TTC7A: variants seen among roughly 807,000 people sequenced by gnomAD.
TTC7A encodes the protein tetratricopeptide repeat domain 7A.
In TTC7A, 110 loss-of-function variants were observed where a neutral mutation model predicts 103.7. The observed-to-expected ratio is 1.06, with a 90% CI of 0.91 to 1.24. The LOEUF (loss-of-function observed/expected upper bound fraction) is 1.24, where lower values mean the gene tolerates loss of function less well. TTC7A is among the 50% of genes most tolerant of loss of function. The pLI is 0.00. For missense variants in TTC7A, 1,340 were observed against 1,116.3 expected (o/e 1.20, Z -2.86); for synonymous variants, 521 against 467.9 (o/e 1.11, Z -1.47).
chr2:46,984,516 A>G (rs1674806149), intron 5 of TTC7A, among the ~76,000 whole-genome samples: 1 of 152,188 alleles, frequency 6.6e-6, no homozygotes, highest in Non-Finnish European at 1.5e-5. Context: ...GAGTATTTTC[A>G]CAGCTGTTAA....
chr2:47,018,281 GAA>G (rs35448648), intron 11 of TTC7A, among the ~76,000 whole-genome samples: 144 of 124,398 alleles, frequency 1.2e-3, no homozygotes, highest in Admixed American at 1.1e-3. Flanking sequence ...GTCCGTCTCA[GAA>G]AAAAAAAAAA....
intron 15 of TTC7A, among the ~76,000 whole-genome samples, chr2:47,031,295 A>T (rs368617768): frequency 3.7e-4 from 57 of 152,338 alleles, no homozygotes; most frequent in African/African-American, 1.3e-3. Context: ...ACAGTAATAC[A>T]AGGTAAGAAC....
chr2:46,983,786 G>C (rs1311596978), intron 5 of TTC7A, among the ~76,000 whole-genome samples: 1 of 152,186 alleles, frequency 6.6e-6, no homozygotes, highest in Admixed American at 6.5e-5. Flanking sequence ...AAAATTTGCT[G>C]TCTTTATTTG....
chr2:47,053,539 TTTGTTTGG>T (rs1331429608), intron 18 of TTC7A, among the ~76,000 whole-genome samples: 32 of 66,146 alleles, frequency 4.8e-4, no homozygotes, highest in East Asian at 2.4e-3. Flanking sequence ...TTTTTGTTTG[TTTGTTTGG>T]TTGGTTGGTT....
chr2:46,942,952 C>T (rs1434401064), intron 1 of TTC7A, among the ~76,000 whole-genome samples: 1 of 152,114 alleles, frequency 6.6e-6, no homozygotes, highest in Non-Finnish European at 1.5e-5. Context: ...GTTACCCAGG[C>T]TGGAGTGTAA....
chr2:46,971,280 C>T (rs757605649), intron 3 of TTC7A, among the ~76,000 whole-genome samples: 2 of 152,146 alleles, frequency 1.3e-5, no homozygotes, highest in African/African-American at 2.4e-5. Flanking sequence ...CAGGGAATAT[C>T]GGGAAGGGCT....
Position 46,993,645 on chromosome 2 carries a change from G to A in TTC7A, c.843+117G>A, listed in dbSNP as rs6751599. On this transcript the variant is annotated intron_variant, in intron 6 of 19. Transcript: ENST00000319190. ...GTGGCAGTAGGTCTCCTGCCTGCTT[G>A]TGGCAGAGGTTGGTAATCAATCTCA... The A allele has an allele frequency of 0.16, 140,528 of 900,236 alleles. 12,103 individuals are homozygous for A. Among genetic ancestry groups the A allele is most frequent in the Middle Eastern group, 0.2 (644 of 3,152 alleles). The allele number at this position is 900,236 out of a possible 1,614,324, so 55.8% of individuals were successfully genotyped here.
intron 13 of TTC7A, among the ~76,000 whole-genome samples, chr2:47,023,849 C>A (rs1679567115): frequency 6.6e-6 from 1 of 151,118 alleles, no homozygotes; most frequent in Non-Finnish European, 1.5e-5. Context: ...TCCCCAGCCA[C>A]CCCTCCCACT....
upstream of TTC7A, among the ~76,000 whole-genome samples, chr2:46,936,734 G>A (rs1030760150): frequency 2.6e-5 from 4 of 152,144 alleles, no homozygotes; most frequent in Non-Finnish European, 5.9e-5. Context: ...TAGCCACTAT[G>A]AGGAATTTCT....
rs931076090 is a variant in TTC7A at position 47,007,650 on chromosome 2, G to A, written c.1287+926G>A. Among the ~76,000 whole-genome samples, 29 of 152,156 alleles carry A rather than the reference G, an allele frequency of 1.9e-4. No individual in the cohort carries two copies. The highest frequency in any genetic ancestry group is 1.8e-3 in the Admixed American group (28 of 15,292). Reference sequence around the variant, plus strand: ...GCATCAAGGGCGTGCCAGCCAGCTCGGGGCCTCGGCAGCCGAGGCAGGCCA... The same window carrying A: ...GCATCAAGGGCGTGCCAGCCAGCTCAGGGCCTCGGCAGCCGAGGCAGGCCA... On this transcript the variant is annotated intron_variant, in intron 10 of 19. Coordinates refer to ENST00000319190, the MANE Select transcript of TTC7A (RefSeq NM_020458.4). The surrounding 1 kb of genome is among the most constrained non-coding windows in gnomAD (Gnocchi z 4.9).
intron 5 of TTC7A, among the ~76,000 whole-genome samples, chr2:46,983,280 C>T (rs1474919577): frequency 1.3e-5 from 2 of 152,216 alleles, no homozygotes; most frequent in Non-Finnish European, 2.9e-5. Flanking sequence ...GGGCTGAGGA[C>T]GGCCCGGGGC....
intron 19 of TTC7A, among the ~76,000 whole-genome samples, chr2:47,071,627 A>C (rs1339485401): frequency 6.6e-6 from 1 of 152,222 alleles, no homozygotes; most frequent in Non-Finnish European, 1.5e-5. Flanking sequence ...AGCACTTGTC[A>C]GTGGCAGAGC....
At chr2:46,977,099 T>G (rs1453807511) in intron 4 of TTC7A, among the ~76,000 whole-genome samples, 1 of 152,194 alleles carries the variant, frequency 6.6e-6, no homozygotes, top group Non-Finnish European at 1.5e-5. Context: ...AAGCCTAGGC[T>G]TTGGACTTTC....
At chr2:47,051,651 C>T in intron 17 of TTC7A, 95 bp from the exon 18 acceptor site, 11 of 1,461,296 alleles carry the variant, frequency 7.5e-6, no homozygotes, top group Non-Finnish European at 1.0e-5. Flanking sequence ...TTCAGGGTGC[C>T]CTGTCTCCCC....
chr2:47,016,703 A>C (rs1472919123), intron 11 of TTC7A, among the ~76,000 whole-genome samples: 1 of 152,238 alleles, frequency 6.6e-6, no homozygotes, highest in Admixed American at 6.5e-5. Flanking sequence ...AGCAGCCTGG[A>C]CTACAGAGCC....
intron 19 of TTC7A, chr2:47,065,928 C>G (rs887623253): frequency 1.3e-5 from 2 of 152,232 alleles, no homozygotes; most frequent in African/African-American, 4.8e-5. Flanking sequence ...GAGGAGTTTC[C>G]TGGTCCCTCC....
chr2:47,073,889 T>C lies in TTC7A; in HGVS notation c.2543T>C (p.Val848Ala). The part of the protein sequence containing the change: ...TALELEASSP[V>A]LPFSIIPREL ...CTTGAGCTGGAGGCCAGCAGCCCTGTACTGCCCTTCTCCATCATCCCCAGA... is the reference window on the plus strand; with the variant it reads ...CTTGAGCTGGAGGCCAGCAGCCCTGCACTGCCCTTCTCCATCATCCCCAGA... Residue 848 changes from valine (V) to alanine (A), a missense_variant, in exon 20 of 20, where the codon GTA becomes GCA. Physicochemically the swap from Val to Ala is moderately conservative, Grantham distance 64. Transcript: ENST00000319190. 1 of 1,613,204 alleles carries C rather than the reference T, an allele frequency of 6.2e-7. No individual in the cohort carries two copies. The highest frequency in any genetic ancestry group is 8.5e-7 in the Non-Finnish European group (1 of 1,179,972).
At chr2:46,995,245 G>A (rs373687844) in intron 8 of TTC7A, 46 bp downstream of exon 8, 63 of 1,602,514 alleles carry the variant, frequency 3.9e-5, no homozygotes, top group Non-Finnish European at 5.2e-5. Flanking sequence ...CTCTGACCCT[G>A]TGGGGAAGGG....
intron 15 of TTC7A, among the ~76,000 whole-genome samples, chr2:47,044,469 C>T (rs766210007): frequency 6.6e-6 from 1 of 152,180 alleles, no homozygotes; most frequent in Admixed American, 6.5e-5. Context: ...TGGGGTCATT[C>T]CTACTCAGGG....
Sources: gnomAD v4.1 joint callset for allele counts (sites outside exome capture counted in the v4.1 genomes callset) on GRCh38, gnomAD v4.1.1 for gene constraint, Gnocchi (gnomAD v3.1) non-coding constraint, MANE v1.5 for transcripts, NCBI Gene and HGNC (gene_info 2026-07-23, HGNC 2026-07-21) for gene names.